The following GABRQ variants were observed in gnomAD, a reference collection of about 807,000 sequenced individuals.
GABRQ encodes the protein gamma-aminobutyric acid receptor subunit theta.
In GABRQ, 19 loss-of-function variants were observed where a neutral mutation model predicts 30.5. That is an observed-to-expected ratio of 0.62 (90% confidence interval 0.43 to 0.91). GABRQ has a LOEUF of 0.91. Ranked by LOEUF, GABRQ falls within the 40% of genes least tolerant of loss-of-function variation. GABRQ has a pLI of 0.00. For synonymous variants in GABRQ, 187 were observed against 210.2 expected, an observed-to-expected ratio of 0.89 and a Z score of 0.95; for missense variants, 520 against 521.4, an observed-to-expected ratio of 1.00 and a Z score of 0.03.
rs1447189466 is a variant in GABRQ, at chrX:152,656,896, T to A, written c.*3615T>A. 2.7e-5 allele frequency: 3 copies of A among 112,113 alleles called. No individual in the cohort carries two copies. The highest frequency in any genetic ancestry group is 9.7e-5 in the African/African-American group (3 of 30,835). The allele number at this position is 112,113 out of a possible 1,213,427, so 9.2% of individuals were successfully genotyped here. The stretch of plus-strand genomic sequence containing the variant: ...TAGTGTCTTTGTGTTTGTTGTGTAG[T>A]GTCCTGTGATCAATATAAAATCTAT... On this transcript the variant is annotated 3_prime_UTR_variant, in exon 9 of 9. Transcript: ENST00000598523.
At chrX:152,644,935 A>C (rs189495071) in intron 2 of GABRQ, among the ~76,000 whole-genome samples, 1 of 112,146 alleles carries the variant, frequency 8.9e-6, no homozygotes, top group Admixed American at 9.4e-5. Flanking sequence ...ACACACATTC[A>C]CATGCTCACA....
Position 152,654,127 on chromosome X carries a change from C to T in GABRQ, c.*846C>T, listed in dbSNP as rs1038241072. On this transcript the variant is annotated 3_prime_UTR_variant, in exon 9 of 9. Transcript: ENST00000598523. ...GCTTGGCAATAGAGACTCAATACAT[C>T]TGTCTAAGTCAGGAGTTAGCTTTCC... The T allele has an allele frequency of 8.9e-6, 1 of 112,264 alleles. No individual in the cohort carries two copies. The highest frequency in any genetic ancestry group is 1.9e-5 in the Non-Finnish European group (1 of 53,273). The allele number at this position is 112,264 out of a possible 1,213,427, so 9.3% of individuals were successfully genotyped here.
rs782263960 is a variant in GABRQ at position 152,657,535 on chromosome X, G to A, written c.*4254G>A. ...GAAAAATAAATAAATATAATAACAA[G>A]TACTCTACCAGGTCATCGTGTTTCC... On this transcript the variant is annotated 3_prime_UTR_variant, in exon 9 of 9. Transcript: ENST00000598523. 6 of 111,797 alleles carry A rather than the reference G, an allele frequency of 5.4e-5. No homozygotes were observed. Among genetic ancestry groups the A allele is most frequent in the African/African-American group, 1.6e-4 (5 of 30,705 alleles). 9.2% of individuals were successfully genotyped at this position (111,797 alleles called of 1,213,427 possible).
At position 152,649,740 on chromosome X, in the gene GABRQ, A is replaced by G. The variant is rs1930972333; in HGVS notation, c.611-2A>G. The stretch of plus-strand genomic sequence containing the variant: ...GACTACCTCTGTTTCTCTCCTTCCC[A>G]GATGGTTACACGGTTGAAGACATCA... On this transcript the variant is annotated splice_acceptor_variant, in intron 5 of 8. Coordinates refer to ENST00000598523, the MANE Select transcript of GABRQ (RefSeq NM_018558.4). LOFTEE classifies it high-confidence loss of function. 8.4e-7 allele frequency: 1 copy of G among 1,187,067 alleles called. No homozygotes were observed. The highest frequency in any genetic ancestry group is 2.2e-5 in the Admixed American group (1 of 45,466).
intron 3 of GABRQ, among the ~76,000 whole-genome samples, chrX:152,646,710 T>C (rs782493179): frequency 8.9e-6 from 1 of 112,352 alleles, no homozygotes; most frequent in East Asian, 2.8e-4. Flanking sequence ...AAGACATACA[T>C]TGGGGTTTGA....
chrX:152,640,228 G>GGGGA (rs1434142938), intron 1 of GABRQ, 150 bp from the exon 2 acceptor site: 5 of 481,357 alleles, frequency 1.0e-5, no homozygotes, highest in Non-Finnish European at 1.9e-5. Flanking sequence ...GACTCACCAT[G>GGGGA]GGGAGGGAGG....
intron 5 of GABRQ, 49 bp downstream of exon 5, chrX:152,649,382 A>G: frequency 2.6e-6 from 2 of 768,772 alleles, no homozygotes; most frequent in Non-Finnish European, 4.1e-6. Context: ...GGCTGTGGTG[A>G]TCAGGGAAGC....
intron 3 of GABRQ, 152 bp downstream of exon 3, chrX:152,645,746 A>C (rs1930872966): frequency 2.4e-6 from 1 of 414,237 alleles, no homozygotes; most frequent in Non-Finnish European, 4.3e-6. Context: ...CAGAATAAAA[A>C]CTACATTAAT....
chrX:152,656,122 C>A lies in GABRQ; in HGVS notation c.*2841C>A, dbSNP rs969067694. The A allele has an allele frequency of 1.8e-5, 2 of 110,961 alleles. No individual in the cohort carries two copies. Among genetic ancestry groups the A allele is most frequent in the Non-Finnish European group, 3.8e-5 (2 of 52,989 alleles). The allele number at this position is 110,961 out of a possible 1,213,427, so 9.1% of individuals were successfully genotyped here. On this transcript the variant is annotated 3_prime_UTR_variant, in exon 9 of 9. Transcript: ENST00000598523. Reference sequence around the variant, plus strand: ...CTTCTGAGTTTGCTATGGATTTGGTCATTTTAGCCTGCACGTTGCCAGATC... The same window carrying A: ...CTTCTGAGTTTGCTATGGATTTGGTAATTTTAGCCTGCACGTTGCCAGATC...
At position 152,638,225 on chromosome X, in the gene GABRQ, G is replaced by C; in HGVS notation, c.23G>C (p.Arg8Pro). 16 of 1,211,340 alleles carry C rather than the reference G, an allele frequency of 1.3e-5. No individual in the cohort carries two copies. Among genetic ancestry groups the C allele is most frequent in the Non-Finnish European group, 1.8e-5 (16 of 894,983 alleles). ...GCCATGGGCATCCGAGGCATGCTGC[G>C]AGCCGCAGTGATCCTGCTGCTCATC... is the stretch of plus-strand genomic sequence containing the variant. Reference protein sequence around the residue: MGIRGMLRAAVILLLIRT... With the variant: MGIRGMLPAAVILLLIRT... The change falls in exon 1 of 9, where the codon CGA becomes CCA. Residue 8 changes from arginine (R) to proline (P), a missense_variant. By Grantham distance (103) the Arg-to-Pro change is moderately radical. Coordinates refer to ENST00000598523, the MANE Select transcript of GABRQ (RefSeq NM_018558.4).
intron 4 of GABRQ, among the ~76,000 whole-genome samples, chrX:152,648,516 C>T (rs932829258): frequency 9.1e-6 from 1 of 109,603 alleles, no homozygotes; most frequent in Non-Finnish European, 1.9e-5. Context: ...AGGTGAGTGC[C>T]GCCACACCCA....
At chrX:152,657,806 A>C (rs1556821310), downstream of GABRQ, among the ~76,000 whole-genome samples, 1 of 112,598 alleles carries the variant, frequency 8.9e-6, no homozygotes, top group Non-Finnish European at 1.9e-5. Flanking sequence ...AGAACAGGCC[A>C]CTGTGGTGCC....
At chrX:152,640,177 G>GA (rs1388674048) in intron 1 of GABRQ, among the ~76,000 whole-genome samples, 2 of 110,576 alleles carry the variant, frequency 1.8e-5, no homozygotes, top group African/African-American at 6.6e-5. Flanking sequence ...AGGTGGGGGG[G>GA]GGAGGAAAGA....
intron 3 of GABRQ, among the ~76,000 whole-genome samples, chrX:152,645,968 C>A (rs1360072584): frequency 2.7e-5 from 3 of 112,486 alleles, no homozygotes; most frequent in Non-Finnish European, 5.6e-5. Context: ...ACCAAATTTA[C>A]AGAACTCCTG....
Position 152,649,791 on chromosome X carries a change from C to T in GABRQ, c.660C>T (p.Asn220=), listed in dbSNP as rs1282270465. 17 of 1,168,439 alleles carry T rather than the reference C, an allele frequency of 1.5e-5. No homozygotes were observed. The highest frequency in any genetic ancestry group is 2.5e-4 in the Middle Eastern group (1 of 4,025). ...DIILFWDDNG[N]AIHMTEELHI... ...TATTATTCTGGGATGACAATGGGAA[C>T]GCCATCCACATGACTGAGGAGCTGC... The change falls in exon 6 of 9, where the codon AAC becomes AAT. Residue 220 remains asparagine (N), a synonymous_variant. Transcript: ENST00000598523.
intron 1 of GABRQ, among the ~76,000 whole-genome samples, chrX:152,639,281 G>T (rs960304683): frequency 1.0e-4 from 11 of 104,890 alleles, no homozygotes; most frequent in Non-Finnish European, 2.1e-4. Context: ...CTCATAAAGG[G>T]GGGGGGGGTG....
intron 2 of GABRQ, among the ~76,000 whole-genome samples, chrX:152,642,706 T>C (rs1556818579): frequency 2.7e-5 from 3 of 111,786 alleles, no homozygotes; most frequent in Non-Finnish European, 5.7e-5. Flanking sequence ...CCCTACCACT[T>C]TGCCTGCCTT....
Position 152,652,601 on chromosome X carries a change from C to A in GABRQ, c.1219C>A (p.Pro407Thr), listed in dbSNP as rs1556820429. ...TCTCCCCATCACCCCAGCGCAGGCCCCCCTGGCAAGCCCGGAAAGCCTCGG... is the reference window on the plus strand; with the variant it reads ...TCTCCCCATCACCCCAGCGCAGGCCACCCTGGCAAGCCCGGAAAGCCTCGG... ...SSLPITPAQA[P>T]LASPESLGSL... The change falls in exon 9 of 9, where the codon CCC becomes ACC. Residue 407 changes from proline to threonine, a missense_variant. By Grantham distance (38) the Pro-to-Thr change is conservative. Coordinates refer to ENST00000598523, the MANE Select transcript of GABRQ (RefSeq NM_018558.4). 1 of 1,210,440 alleles carries A rather than the reference C, an allele frequency of 8.3e-7. No homozygotes were observed. The highest frequency in any genetic ancestry group is 1.1e-6 in the Non-Finnish European group (1 of 894,038).
Position 152,637,976 on chromosome X carries a change from C to G in GABRQ, c.-227C>G, listed in dbSNP as rs1389853914. ...CTGGGGGGAGCTGCGTCCAGCAGAG[C>G]TGCTGGGTGGTTGCTCCTCCCGGGC... is the stretch of plus-strand genomic sequence containing the variant. On this transcript the variant is annotated 5_prime_UTR_variant, in exon 1 of 9. Coordinates refer to ENST00000598523, the MANE Select transcript of GABRQ (RefSeq NM_018558.4). Among the ~76,000 whole-genome samples, 2 of 113,334 alleles carry G rather than the reference C, an allele frequency of 1.8e-5. No individual in the cohort carries two copies. The highest frequency in any genetic ancestry group is 5.6e-4 in the East Asian group (2 of 3,556).
Sources: allele counts gnomAD v4.1 joint callset (sites outside exome capture counted in the v4.1 genomes callset), GRCh38; gene constraint gnomAD v4.1.1; transcripts MANE v1.5; gene names NCBI Gene and HGNC (gene_info 2026-07-23, HGNC 2026-07-21).